The following MBNL2 variants were observed in gnomAD, a reference collection of about 807,000 sequenced individuals.
MBNL2 encodes the protein muscleblind like splicing regulator 2, also known as muscleblind-like protein 2.
A neutral mutation model predicts 41.9 loss-of-function variants in MBNL2; 17 were observed. That is an observed-to-expected ratio of 0.41 (90% CI 0.28 to 0.61). The LOEUF (loss-of-function observed/expected upper bound fraction) is 0.61, where lower values mean the gene tolerates loss of function less well. Among genes scored for constraint, MBNL2 ranks in the 20% least tolerant of loss-of-function variants. The pLI is 0.35. For synonymous variants in MBNL2, 195 were observed against 182.9 expected, an observed-to-expected ratio of 1.07 and a Z score of -0.53; for missense variants, 336 against 505.6, an observed-to-expected ratio of 0.66 and a Z score of 3.22.
the MBNL2 span, among the ~76,000 whole-genome samples, chr13:97,184,810 C>T: frequency 6.3e-4 from 96 of 152,220 alleles, 1 homozygote; most frequent in African/African-American, 2.2e-3. Context: ...CTGTTTTCAC[C>T]TCCTGTCTGC....
chr13:97,269,679 T>C (rs2152910089), intron 1 of MBNL2, among the ~76,000 whole-genome samples: 1 of 152,330 alleles, frequency 6.6e-6, no homozygotes, highest in Non-Finnish European at 1.5e-5. Flanking sequence ...CTTAAGGTTT[T>C]TGTAGTGACA....
the MBNL2 span, among the ~76,000 whole-genome samples, chr13:97,160,789 T>G: frequency 6.6e-6 from 1 of 152,214 alleles, no homozygotes; most frequent in Non-Finnish European, 1.5e-5. Context: ...GTTGTTGATT[T>G]TACAGCCTTC....
intron 2 of MBNL2, among the ~76,000 whole-genome samples, chr13:97,321,351 G>A (rs1000499215): frequency 1.3e-5 from 2 of 152,202 alleles, no homozygotes; most frequent in African/African-American, 4.8e-5. Context: ...TGGGACTGTG[G>A]AAGAGGCACT....
chr13:97,334,201 A>G lies in MBNL2; in HGVS notation c.175-75A>G. 8.7e-7 allele frequency: 1 copy of G among 1,151,274 alleles called. No homozygotes were observed. The highest frequency in any genetic ancestry group is 1.3e-6 in the Non-Finnish European group (1 of 794,568). 71.3% of individuals were successfully genotyped at this position (1,151,274 alleles called of 1,614,324 possible). On this transcript the variant is annotated intron_variant, in intron 2 of 8. Coordinates refer to ENST00000679496, the MANE Select transcript of MBNL2 (RefSeq NM_001382683.1). This position sits in a 1 kb window ranked among gnomAD's most constrained non-coding sequence, Gnocchi z 5.3. ...AGGATCCTTGCTTTTGTGCATAAGAAGTGATTGTTCAGTGGTTGACTTTGG... is the reference window on the plus strand; with the variant it reads ...AGGATCCTTGCTTTTGTGCATAAGAGGTGATTGTTCAGTGGTTGACTTTGG...
Position 97,271,883 on chromosome 13 carries a change from T to C in MBNL2, c.-604-3749T>C, listed in dbSNP as rs573473908. ...ATTGTAAATAGTGCTGCAATAAACA[T>C]AGGTGTGCATGTGTCTTTACAGTAG... On this transcript the variant is annotated intron_variant, in intron 1 of 8. Transcript: ENST00000679496. Among the ~76,000 whole-genome samples the C allele has an allele frequency of 4.6e-5, 7 of 152,334 alleles. No homozygotes were observed. In the South Asian group the frequency reaches 1.5e-3, roughly 32 times the overall value.
At chr13:97,207,209 G>A in the MBNL2 span, among the ~76,000 whole-genome samples, 1 of 152,192 alleles carries the variant, frequency 6.6e-6, no homozygotes, top group South Asian at 2.1e-4. Flanking sequence ...AGTGAGGTTA[G>A]GGGATAGTCT....
the MBNL2 span, among the ~76,000 whole-genome samples, chr13:97,178,215 T>C: frequency 6.6e-6 from 1 of 152,202 alleles, no homozygotes; most frequent in East Asian, 1.9e-4. Context: ...AGAGGCTAGA[T>C]GGAGGATGAC....
At chr13:97,253,817 G>A (rs2047037751) in intron 1 of MBNL2, among the ~76,000 whole-genome samples, 1 of 151,344 alleles carries the variant, frequency 6.6e-6, no homozygotes, top group African/African-American at 2.4e-5. Context: ...ACAATACAAT[G>A]TTATATTGTG....
chr13:97,171,406 T>G, the MBNL2 span, among the ~76,000 whole-genome samples: 1 of 152,168 alleles, frequency 6.6e-6, no homozygotes, highest in Non-Finnish European at 1.5e-5. Context: ...CTATATTATA[T>G]TGGTTTCTCA....
intron 2 of MBNL2, among the ~76,000 whole-genome samples, chr13:97,320,189 A>G (rs1411292253): frequency 6.6e-6 from 1 of 151,964 alleles, no homozygotes; most frequent in African/African-American, 2.4e-5. Context: ...ATATTCTTAC[A>G]GTTGTGGAGG....
the MBNL2 span, among the ~76,000 whole-genome samples, chr13:97,152,925 G>A: frequency 6.6e-6 from 1 of 152,032 alleles, no homozygotes; most frequent in Non-Finnish European, 1.5e-5. Flanking sequence ...ACATCTCAGT[G>A]GTAAATCTAG....
At chr13:97,257,097 T>C (rs1403565448) in intron 1 of MBNL2, among the ~76,000 whole-genome samples, 1 of 152,170 alleles carries the variant, frequency 6.6e-6, no homozygotes, top group Non-Finnish European at 1.5e-5. Flanking sequence ...GCAGAGAGCA[T>C]GAATAGGTAA....
In MBNL2 at chr13:97,349,527, AT is replaced by A. The variant is rs200595997; in HGVS notation, c.804+2463del. Among the ~76,000 whole-genome samples the A allele has an allele frequency of 5.5e-3, 837 of 152,092 alleles. 10 individuals are homozygous for A. Among genetic ancestry groups the A allele is most frequent in the Middle Eastern group, 0.037 (11 of 294 alleles). ...ACACATTTTTCCACAAAATTTGTTT[AT>A]TTATTTGTTTTTTGAGACAGAGTCT... On this transcript the variant is annotated intron_variant, in intron 5 of 8. Transcript: ENST00000679496.
At chr13:97,280,094 A>G (rs2053048170) in intron 2 of MBNL2, among the ~76,000 whole-genome samples, 1 of 152,194 alleles carries the variant, frequency 6.6e-6, no homozygotes, top group African/African-American at 2.4e-5. Context: ...ACAAAATGCA[A>G]ACTGTTTTAT....
chr13:97,308,186 C>A (rs372672796), intron 2 of MBNL2, among the ~76,000 whole-genome samples: 1 of 152,210 alleles, frequency 6.6e-6, no homozygotes, highest in East Asian at 1.9e-4. Context: ...TTCACAGAGG[C>A]CCCACACATT....
chr13:97,190,331 C>A, the MBNL2 span, among the ~76,000 whole-genome samples: 3 of 152,340 alleles, frequency 2.0e-5, no homozygotes, highest in Non-Finnish European at 4.4e-5. Context: ...ACTCCCTTCC[C>A]GTTGGATGGC....
chr13:97,165,334 A>C, the MBNL2 span, among the ~76,000 whole-genome samples: 7 of 152,194 alleles, frequency 4.6e-5, no homozygotes, highest in Non-Finnish European at 8.8e-5. Context: ...ACCGTAATTT[A>C]ATTGGGGCTT....
intron 3 of MBNL2, among the ~76,000 whole-genome samples, chr13:97,342,744 A>G (rs1417780255): frequency 6.6e-6 from 1 of 152,186 alleles, no homozygotes; most frequent in Non-Finnish European, 1.5e-5. Context: ...TAGAGTTGAA[A>G]TTATTTTCTT....
chr13:97,232,890 T>TGTGCGC lies in MBNL2; in HGVS notation c.-605+10360_-605+10361insTGCGCG, dbSNP rs1491513676. ...GTGTGTGTGTGTGTGTGTGTGTGTG[T>TGTGCGC]GCGCACGTACACTGAATGAACTTAA... On this transcript the variant is annotated intron_variant, in intron 1 of 8. Transcript: ENST00000679496. Among the ~76,000 whole-genome samples, 58 of 134,566 alleles carry TGTGCGC rather than the reference T, an allele frequency of 4.3e-4. No individual in the cohort carries two copies. The Middle Eastern group carries it at 0.019, about 45-fold the overall frequency. 88.3% of individuals were successfully genotyped at this position (134,566 alleles called of 152,430 possible). A position where few individuals can be genotyped will look rare whatever the true frequency, so the allele number is the denominator to read the frequency against.
Sources: gnomAD v4.1 joint callset for allele counts (sites outside exome capture counted in the v4.1 genomes callset) on GRCh38, gnomAD v4.1.1 for gene constraint, Gnocchi (gnomAD v3.1) non-coding constraint, MANE v1.5 for transcripts, NCBI Gene and HGNC (gene_info 2026-07-23, HGNC 2026-07-21) for gene names.